SYTL5: variants seen among roughly 807,000 people sequenced by gnomAD.
The protein encoded by SYTL5 is synaptotagmin like 5, also known as synaptotagmin-like protein 5.
In SYTL5, 34 loss-of-function variants were observed where a neutral mutation model predicts 55.9. The observed-to-expected ratio is 0.61, with a 90% CI of 0.46 to 0.81. SYTL5 has a LOEUF of 0.81. Ranked by LOEUF, SYTL5 falls within the 30% of genes least tolerant of loss-of-function variation. The pLI is 0.00. For missense variants in SYTL5, 637 were observed against 546.7 expected (o/e 1.17, Z -1.65); for synonymous variants, 221 against 188.7 (o/e 1.17, Z -1.40).
At chrX:37,967,871 G>C in the SYTL5 span, among the ~76,000 whole-genome samples, 2 of 107,541 alleles carry the variant, frequency 1.9e-5, no homozygotes, top group Non-Finnish European at 3.8e-5. Flanking sequence ...AAAGTGCTAG[G>C]ATTATAGGCA....
chrX:38,122,288 G>A, intron 15 of SYTL5, 73 bp downstream of exon 15: 2 of 975,037 alleles, frequency 2.1e-6, no homozygotes, highest in Admixed American at 5.0e-5. Flanking sequence ...CAAGCCACTG[G>A]TGGCTGTGAG....
chrX:37,945,157 T>C, the SYTL5 span, among the ~76,000 whole-genome samples: 1 of 112,671 alleles, frequency 8.9e-6, no homozygotes, highest in South Asian at 3.6e-4. Context: ...TAACTGTGAA[T>C]TATATGATTT....
intron 3 of SYTL5, among the ~76,000 whole-genome samples, chrX:38,071,192 G>A (rs760294035): frequency 8.9e-6 from 1 of 111,776 alleles, no homozygotes; most frequent in Non-Finnish European, 1.9e-5. Flanking sequence ...TGAGAGGGTA[G>A]AAATAATACT....
the SYTL5 span, among the ~76,000 whole-genome samples, chrX:37,996,665 T>C: frequency 0.35 from 39,036 of 111,222 alleles, 5,553 homozygotes; most frequent in East Asian, 0.54. Flanking sequence ...CAACTTTTTG[T>C]TGGCTTTACC....
the SYTL5 span, among the ~76,000 whole-genome samples, chrX:37,895,393 T>C: frequency 9.2e-6 from 1 of 108,769 alleles, no homozygotes; most frequent in Non-Finnish European, 1.9e-5. Flanking sequence ...AGAGTAAGTG[T>C]TCGATTAGTT....
chrX:38,023,481 A>G (rs1211959394), intron 1 of SYTL5, among the ~76,000 whole-genome samples: 1 of 111,988 alleles, frequency 8.9e-6, no homozygotes, highest in Non-Finnish European at 1.9e-5. Flanking sequence ...TTCATTATCA[A>G]TATGTATTAT....
At chrX:37,998,551 T>C in the SYTL5 span, among the ~76,000 whole-genome samples, 1 of 112,066 alleles carries the variant, frequency 8.9e-6, no homozygotes, top group Non-Finnish European at 1.9e-5. Context: ...GCAGCTGGCA[T>C]GTCTGACTGT....
At chrX:38,120,674 T>G (rs1050990566) in intron 14 of SYTL5, among the ~76,000 whole-genome samples, 3 of 110,781 alleles carry the variant, frequency 2.7e-5, no homozygotes, top group Non-Finnish European at 5.7e-5. Flanking sequence ...CCTTGTAAGA[T>G]TCATACTTAG....
intron 2 of SYTL5, among the ~76,000 whole-genome samples, chrX:38,040,256 G>A (rs1396539978): frequency 9.0e-6 from 1 of 111,192 alleles, no homozygotes; most frequent in African/African-American, 3.3e-5. Context: ...TTTGATACAG[G>A]CATGCCATGT....
chrX:38,125,090 A>C (rs1339121608), intron 15 of SYTL5, among the ~76,000 whole-genome samples: 3 of 111,864 alleles, frequency 2.7e-5, no homozygotes, highest in African/African-American at 6.5e-5. Context: ...GATGGAAGGA[A>C]GGACCTAAAT....
At chrX:38,081,110 A>T (rs1056724458) in intron 6 of SYTL5, among the ~76,000 whole-genome samples, 16 of 112,291 alleles carry the variant, frequency 1.4e-4, no homozygotes, top group African/African-American at 4.5e-4. Flanking sequence ...CCTCCAAAGG[A>T]AAATTACTTT....
the SYTL5 span, among the ~76,000 whole-genome samples, chrX:37,908,323 T>C: frequency 9.0e-6 from 1 of 111,447 alleles, no homozygotes; most frequent in Non-Finnish European, 1.9e-5. Flanking sequence ...GTATTTTTCC[T>C]CATGCAACTT....
At chrX:37,970,299 A>G in the SYTL5 span, among the ~76,000 whole-genome samples, 2 of 109,245 alleles carry the variant, frequency 1.8e-5, no homozygotes, top group African/African-American at 6.6e-5. Flanking sequence ...TTTTTATTTT[A>G]GGGCAAAAAT....
the SYTL5 span, among the ~76,000 whole-genome samples, chrX:37,972,504 G>C: frequency 9.0e-6 from 1 of 111,395 alleles, no homozygotes; most frequent in South Asian, 3.8e-4. Context: ...CTCCGGTTTC[G>C]GGCAACTCCT....
chrX:38,047,529 A>G (rs757762952), intron 2 of SYTL5, among the ~76,000 whole-genome samples: 45 of 112,705 alleles, frequency 4.0e-4, no homozygotes, highest in Admixed American at 1.9e-4. Context: ...GGCCCTGCCC[A>G]TGAAACCTTT....
chrX:37,936,042 C>A, the SYTL5 span, among the ~76,000 whole-genome samples: 2 of 111,712 alleles, frequency 1.8e-5, no homozygotes, highest in Non-Finnish European at 3.8e-5. Flanking sequence ...ATATACCATG[C>A]AAATAGTAAT....
chrX:37,909,824 G>C, the SYTL5 span, among the ~76,000 whole-genome samples: 3 of 110,139 alleles, frequency 2.7e-5, no homozygotes, highest in African/African-American at 6.6e-5. Flanking sequence ...ACAGGCACCT[G>C]CCACCACACG....
At chrX:38,010,283 T>G (rs1465173527) in intron 1 of SYTL5, among the ~76,000 whole-genome samples, 1 of 111,952 alleles carries the variant, frequency 8.9e-6, no homozygotes, top group Non-Finnish European at 1.9e-5. Flanking sequence ...AGGCTAAGTG[T>G]GGTTACGAGG....
intron 6 of SYTL5, among the ~76,000 whole-genome samples, chrX:38,088,225 C>A (rs1411770854): frequency 2.7e-5 from 3 of 111,636 alleles, no homozygotes; most frequent in African/African-American, 9.8e-5. Context: ...CCTGATTTAT[C>A]TTCTAGTAAT....
Sources: gnomAD v4.1 joint callset for allele counts (sites outside exome capture counted in the v4.1 genomes callset) on GRCh38, gnomAD v4.1.1 for gene constraint, MANE v1.5 for transcripts, NCBI Gene and HGNC (gene_info 2026-07-23, HGNC 2026-07-21) for gene names.